The following AGAP1 variants were observed in gnomAD, a reference collection of about 807,000 sequenced individuals.
The protein encoded by AGAP1 is arf-GAP with GTPase, ANK repeat and PH domain-containing protein 1.
AGAP1 carries 29 observed loss-of-function variants against 105.3 expected under a neutral mutation model. The ratio of observed to expected loss-of-function variants is 0.28; its 90% CI spans 0.21 to 0.38. AGAP1 has a LOEUF of 0.38. AGAP1 is among the 10% of genes least tolerant of loss of function. The probability of loss-of-function intolerance (pLI) is 1.00; values close to 1 mark genes in which losing one functional copy is unlikely to be tolerated. For synonymous variants in AGAP1, 509 were observed against 485.9 expected, an observed-to-expected ratio of 1.05 and a Z score of -0.63; for missense variants, 998 against 1,165.1, an observed-to-expected ratio of 0.86 and a Z score of 2.09.
intron 1 of AGAP1, among the ~76,000 whole-genome samples, chr2:235,677,780 G>C (rs534388615): frequency 6.2e-4 from 94 of 151,900 alleles, no homozygotes; most frequent in African/African-American, 2.3e-3. Context: ...CAGCCTTTCT[G>C]ATGCGGCTCC....
At position 236,055,927 on chromosome 2, in the gene AGAP1, G is replaced by A. The variant is rs372505767; in HGVS notation, c.2114+6646G>A. 6.6e-6 allele frequency among the ~76,000 whole-genome samples: 1 copy of A among 152,100 alleles called. No homozygotes were observed. The highest frequency in any genetic ancestry group is 1.5e-5 in the Non-Finnish European group (1 of 68,022). On this transcript the variant is annotated intron_variant, in intron 16 of 17. Transcript: ENST00000304032. This position sits in a 1 kb window ranked among gnomAD's most constrained non-coding sequence, Gnocchi z 6.2. Reference sequence around the variant, plus strand: ...TTCAGTTTACTAGAGCTCAGGGCCCGGATCAGAAATATTCTGCTATAAATA... The same window carrying A: ...TTCAGTTTACTAGAGCTCAGGGCCCAGATCAGAAATATTCTGCTATAAATA...
chr2:235,708,842 A>G (rs1448016002), intron 1 of AGAP1, among the ~76,000 whole-genome samples: 1 of 152,250 alleles, frequency 6.6e-6, no homozygotes, highest in Non-Finnish European at 1.5e-5. Flanking sequence ...CACACTTGCC[A>G]ACAGGCACAG....
intron 13 of AGAP1, among the ~76,000 whole-genome samples, chr2:235,998,057 A>G (rs1454678082): frequency 1.3e-5 from 2 of 152,224 alleles, no homozygotes; most frequent in African/African-American, 4.8e-5. Context: ...CTGAGAGACT[A>G]ACAAAGGATT....
At chr2:235,924,173 C>T (rs2052332956) in intron 11 of AGAP1, among the ~76,000 whole-genome samples, 3 of 152,120 alleles carry the variant, frequency 2.0e-5, no homozygotes, top group Non-Finnish European at 1.5e-5. Flanking sequence ...AAGGTAGTAT[C>T]TTAAGGTAGT....
At chr2:236,115,652 A>G (rs1004650642) in intron 16 of AGAP1, among the ~76,000 whole-genome samples, 1 of 152,166 alleles carries the variant, frequency 6.6e-6, no homozygotes, top group African/African-American at 2.4e-5. Flanking sequence ...CTGTTTTCAT[A>G]CTAGTGAAAT....
At chr2:235,796,831 A>G (rs1957264836) in intron 6 of AGAP1, among the ~76,000 whole-genome samples, 2 of 152,236 alleles carry the variant, frequency 1.3e-5, no homozygotes, top group Admixed American at 1.3e-4. Flanking sequence ...GCTAGTCCCC[A>G]AAGACACACA....
intron 9 of AGAP1, chr2:235,853,149 A>T: frequency 8.7e-7 from 1 of 1,152,364 alleles, no homozygotes; most frequent in Non-Finnish European, 1.1e-6. Flanking sequence ...GGCGCTTTGC[A>T]TGTTTTGGGT....
chr2:235,818,102 T>G (rs1958566023), intron 9 of AGAP1, among the ~76,000 whole-genome samples: 1 of 152,218 alleles, frequency 6.6e-6, no homozygotes, highest in Admixed American at 6.5e-5. Flanking sequence ...TCCTTCTGCT[T>G]AAAAACTCAT....
chr2:236,049,986 G>A (rs752806679), intron 16 of AGAP1, among the ~76,000 whole-genome samples: 8 of 152,136 alleles, frequency 5.3e-5, no homozygotes, highest in Non-Finnish European at 8.8e-5. Flanking sequence ...TTTCATCTCC[G>A]TACTTGTCTA....
Position 236,120,171 on chromosome 2 carries a change from C to T in AGAP1, c.2115-21C>T, listed in dbSNP as rs375748836. 1.3e-6 allele frequency: 2 copies of T among 1,598,390 alleles called. No homozygotes were observed. The highest frequency in any genetic ancestry group is 3.4e-5 in the Admixed American group (2 of 59,352). On this transcript the variant is annotated intron_variant, in intron 16 of 17. Transcript: ENST00000304032. This position sits in a 1 kb window ranked among gnomAD's most constrained non-coding sequence, Gnocchi z 6.0. ...TTCTCGGGCCTGATCGTGACTGCACCTGTCTGGTGGCTCTTTGCAGGGAAG... is the reference window on the plus strand; with the variant it reads ...TTCTCGGGCCTGATCGTGACTGCACTTGTCTGGTGGCTCTTTGCAGGGAAG...
At chr2:235,654,024 C>G (rs1208136626) in intron 1 of AGAP1, among the ~76,000 whole-genome samples, 1 of 152,200 alleles carries the variant, frequency 6.6e-6, no homozygotes, top group African/African-American at 2.4e-5. Flanking sequence ...CCACTGTGCT[C>G]CAGCCTGGGT....
chr2:235,778,810 A>G (rs1277647365), intron 6 of AGAP1, among the ~76,000 whole-genome samples: 2 of 152,176 alleles, frequency 1.3e-5, no homozygotes, highest in African/African-American at 4.8e-5. Context: ...GATCAGGAAC[A>G]ACCACATCTA....
rs1304492163 is a variant in AGAP1, at chr2:236,051,990, C to T, written c.2114+2709C>T. On this transcript the variant is annotated intron_variant, in intron 16 of 17. Transcript: ENST00000304032. This position sits in a 1 kb window ranked among gnomAD's most constrained non-coding sequence, Gnocchi z 5.9. ...CTGGAATCTCCGCAAGCCGGTCTGT[C>T]CATGACGTGAGAAGATTCTGCCTTT... Among the ~76,000 whole-genome samples, 1 of 152,162 alleles carries T rather than the reference C, an allele frequency of 6.6e-6. No homozygotes were observed. The highest frequency in any genetic ancestry group is 1.5e-5 in the Non-Finnish European group (1 of 68,026).
intron 6 of AGAP1, among the ~76,000 whole-genome samples, chr2:235,759,039 C>T (rs1954175475): frequency 6.6e-6 from 1 of 152,198 alleles, no homozygotes; most frequent in African/African-American, 2.4e-5. Context: ...AGCGATCCGA[C>T]CGCCTCAGCC....
intron 15 of AGAP1, among the ~76,000 whole-genome samples, chr2:236,047,075 G>A (rs2125702363): frequency 6.6e-6 from 1 of 152,298 alleles, no homozygotes; most frequent in South Asian, 2.1e-4. Context: ...GCTGCAGTGA[G>A]CAGTGATTGT....
chr2:235,863,320 T>C (rs1014941902), intron 9 of AGAP1, among the ~76,000 whole-genome samples: 5 of 152,184 alleles, frequency 3.3e-5, no homozygotes, highest in Non-Finnish European at 7.4e-5. Context: ...TAAGAAGAAA[T>C]AAGTGAATCT....
At chr2:235,812,167 CTT>C (rs920634079) in intron 9 of AGAP1, among the ~76,000 whole-genome samples, 4 of 148,966 alleles carry the variant, frequency 2.7e-5, no homozygotes, top group Admixed American at 6.7e-5. Context: ...CTCAAAAAAA[CTT>C]TTTTTTTTTA....
At chr2:235,585,557 T>C (rs1458728827) in intron 1 of AGAP1, among the ~76,000 whole-genome samples, 3 of 152,212 alleles carry the variant, frequency 2.0e-5, no homozygotes, top group Non-Finnish European at 4.4e-5. Context: ...TCAGCCTGAA[T>C]GTGTTCTGAG....
rs539729427 is a variant in AGAP1 at position 235,626,844 on chromosome 2, G to A, written c.164-82335G>A. Among the ~76,000 whole-genome samples, 10 of 152,336 alleles carry A rather than the reference G, an allele frequency of 6.6e-5. No individual in the cohort carries two copies. The South Asian group carries it at 2.1e-3, about 32-fold the overall frequency. ...AGGTACAGACACAAATTGGCATGGC[G>A]TGTTTCAATAAAACTTTATTTACAA... is the stretch of plus-strand genomic sequence containing the variant. On this transcript the variant is annotated intron_variant, in intron 1 of 17. Coordinates refer to ENST00000304032, the MANE Select transcript of AGAP1 (RefSeq NM_001037131.3).
Sources: allele counts gnomAD v4.1 joint callset (sites outside exome capture counted in the v4.1 genomes callset), GRCh38; gene constraint gnomAD v4.1.1; non-coding constraint Gnocchi (gnomAD v3.1); transcripts MANE v1.5; gene names NCBI Gene and HGNC (gene_info 2026-07-23, HGNC 2026-07-21).